The following FAM81A variants were observed in gnomAD, a reference collection of about 807,000 sequenced individuals.
The protein encoded by FAM81A is family with sequence similarity 81 member A.
In FAM81A, 19 loss-of-function variants were observed where a neutral mutation model predicts 46.7. That is an observed-to-expected ratio of 0.41 (90% confidence interval 0.28 to 0.60). The LOEUF (loss-of-function observed/expected upper bound fraction) is 0.60, where lower values mean the gene tolerates loss of function less well. Ranked by LOEUF, FAM81A falls within the 20% of genes least tolerant of loss-of-function variation. The probability of loss-of-function intolerance (pLI) is 0.34; values close to 1 mark genes in which losing one functional copy is unlikely to be tolerated. For synonymous variants in FAM81A, 183 were observed against 152.9 expected, an observed-to-expected ratio of 1.20 and a Z score of -1.45; for missense variants, 377 against 453.5, an observed-to-expected ratio of 0.83 and a Z score of 1.53.
At chr15:59,463,655 C>G (rs191758076) in intron 3 of FAM81A, among the ~76,000 whole-genome samples, 3 of 151,784 alleles carry the variant, frequency 2.0e-5, no homozygotes, top group Admixed American at 2.0e-4. Flanking sequence ...CCAGCCTGAG[C>G]AACATAGTGA....
At chr15:59,484,032 C>T (rs1276436505) in intron 3 of FAM81A, among the ~76,000 whole-genome samples, 20 of 152,150 alleles carry the variant, frequency 1.3e-4, no homozygotes, top group Non-Finnish European at 1.9e-4. Context: ...CTGCACCACC[C>T]GTCCACAAGC....
At chr15:59,414,206 G>T (rs937549046) in intron 2 of FAM81A, among the ~76,000 whole-genome samples, 8 of 152,086 alleles carry the variant, frequency 5.3e-5, no homozygotes, top group African/African-American at 1.9e-4. Flanking sequence ...CGCCCGCCTT[G>T]GCCTCCTAAA....
At position 59,433,034 on chromosome 15, in the gene FAM81A, C is replaced by T. The variant is rs201991827; in HGVS notation, c.-77-25516C>T. 6.4e-4 allele frequency among the ~76,000 whole-genome samples: 92 copies of T among 142,774 alleles called. No homozygotes were observed. The East Asian group carries it at 0.016, about 25-fold the overall frequency. 93.7% of individuals were successfully genotyped at this position (142,774 alleles called of 152,430 possible). On this transcript the variant is annotated intron_variant, in intron 2 of 4. Coordinates refer to the FAM81A transcript ENST00000558348. ...GTGGGTGCCTGTAGTCCCAGCTACT[C>T]GGGAGGCTGAGGCAGGAGAATGGTG...
intron 3 of FAM81A, among the ~76,000 whole-genome samples, chr15:59,488,870 G>A (rs1457612218): frequency 6.6e-6 from 1 of 152,024 alleles, no homozygotes; most frequent in Non-Finnish European, 1.5e-5. Flanking sequence ...GGCTGAGCTG[G>A]GAAGATTGCT....
chr15:59,424,742 G>A (rs781350208), intron 2 of FAM81A, among the ~76,000 whole-genome samples: 9 of 152,246 alleles, frequency 5.9e-5, no homozygotes, highest in Non-Finnish European at 1.0e-4. Context: ...CTCTACCTCT[G>A]CATTCTAGTC....
intron 2 of FAM81A, among the ~76,000 whole-genome samples, chr15:59,419,356 G>T (rs973874185): frequency 2.6e-5 from 4 of 152,084 alleles, no homozygotes; most frequent in Non-Finnish European, 5.9e-5. Flanking sequence ...TTGTGCCTTT[G>T]AACTCCCTGT....
At chr15:59,493,137 C>A (rs765113650) in intron 4 of FAM81A, among the ~76,000 whole-genome samples, 5 of 152,222 alleles carry the variant, frequency 3.3e-5, no homozygotes, top group African/African-American at 9.6e-5. Context: ...CACTTCCCGT[C>A]AGCCTGAGGT....
At chr15:59,451,917 C>T (rs2081423897) in intron 1 of FAM81A, among the ~76,000 whole-genome samples, 1 of 152,238 alleles carries the variant, frequency 6.6e-6, no homozygotes. Flanking sequence ...GACATTCACT[C>T]ACCCAGCAAA....
chr15:59,441,549 T>C (rs2081297835), intron 1 of FAM81A, among the ~76,000 whole-genome samples: 1 of 152,254 alleles, frequency 6.6e-6, no homozygotes, highest in Non-Finnish European at 1.5e-5. Flanking sequence ...CCTCAGGTTC[T>C]CTTCTTTGTC....
intron 6 of FAM81A, among the ~76,000 whole-genome samples, chr15:59,510,225 G>C (rs538727825): frequency 2.6e-4 from 39 of 152,092 alleles, no homozygotes; most frequent in African/African-American, 4.1e-4. Context: ...AATTAGCCAG[G>C]CATGGTGGCA....
At chr15:59,424,880 C>T (rs1212142954) in intron 2 of FAM81A, among the ~76,000 whole-genome samples, 5 of 152,078 alleles carry the variant, frequency 3.3e-5, no homozygotes, top group African/African-American at 7.2e-5. Context: ...CTTATGCCCT[C>T]GTAATTCGTT....
intron 3 of FAM81A, among the ~76,000 whole-genome samples, chr15:59,466,330 A>G (rs2081612592): frequency 6.6e-6 from 1 of 152,202 alleles, no homozygotes; most frequent in African/African-American, 2.4e-5. Flanking sequence ...CAACAGTGTA[A>G]AAGCGTTCCT....
rs146665203 is a variant in FAM81A, at chr15:59,469,651, G to C, written c.294+9445G>C. Among the ~76,000 whole-genome samples the C allele has an allele frequency of 6.8e-3, 1,035 of 151,920 alleles. 7 individuals are homozygous for C. Among genetic ancestry groups the C allele is most frequent in the Non-Finnish European group, 0.012 (796 of 67,962 alleles). On this transcript the variant is annotated intron_variant, in intron 3 of 8. Transcript: ENST00000288228. The stretch of plus-strand genomic sequence containing the variant: ...GTCTCCTGAATACAGCACACTGATG[G>C]GTCTTGACTCTTTATCCAATTTGCC...
At chr15:59,446,363 A>C (rs958770096) in intron 1 of FAM81A, 13 of 152,240 alleles carry the variant, frequency 8.5e-5, no homozygotes, top group African/African-American at 3.1e-4. Context: ...ATCAGAGACC[A>C]GTCATTGGGT....
At position 59,460,224 on chromosome 15, in the gene FAM81A, C is replaced by A; in HGVS notation, c.294+18C>A. 2 of 1,613,930 alleles carry A rather than the reference C, an allele frequency of 1.2e-6. No homozygotes were observed. The highest frequency in any genetic ancestry group is 2.2e-5 in the South Asian group (2 of 91,022). On this transcript the variant is annotated intron_variant, in intron 3 of 8. Transcript: ENST00000288228. The surrounding 1 kb of genome is among the most constrained non-coding windows in gnomAD (Gnocchi z 4.4). Reference sequence around the variant, plus strand: ...ATATCGAGGTAAGGTTTGTGAAAGTCAGGTGGCCTATGTCCCTTTCCACAG... The same window carrying A: ...ATATCGAGGTAAGGTTTGTGAAAGTAAGGTGGCCTATGTCCCTTTCCACAG...
chr15:59,516,953 A>C (rs1175930980), intron 8 of FAM81A, 113 bp downstream of exon 8: 1 of 996,598 alleles, frequency 1.0e-6, no homozygotes, highest in African/African-American at 1.7e-5. Context: ...TAACCGTGAA[A>C]TATCCTTAGT....
At chr15:59,439,604 C>G (rs1248021361) in intron 1 of FAM81A, among the ~76,000 whole-genome samples, 2 of 152,146 alleles carry the variant, frequency 1.3e-5, no homozygotes, top group African/African-American at 4.8e-5. Context: ...GATTTTCATT[C>G]GAATCTGATT....
intron 2 of FAM81A, among the ~76,000 whole-genome samples, chr15:59,422,220 C>G (rs1352823711): frequency 1.3e-5 from 2 of 151,882 alleles, no homozygotes; most frequent in African/African-American, 4.8e-5. Context: ...GACCCTGTCT[C>G]TACACAAAAT....
intron 2 of FAM81A, among the ~76,000 whole-genome samples, chr15:59,413,339 G>C (rs939956563): frequency 6.6e-6 from 1 of 151,742 alleles, no homozygotes; most frequent in Non-Finnish European, 1.5e-5. Context: ...GGTGGTTGAG[G>C]TGCGAACGTA....
Sources: allele counts gnomAD v4.1 joint callset (sites outside exome capture counted in the v4.1 genomes callset), GRCh38; gene constraint gnomAD v4.1.1; non-coding constraint Gnocchi (gnomAD v3.1); transcripts MANE v1.5; gene names NCBI Gene and HGNC (gene_info 2026-07-23, HGNC 2026-07-21).